Variants in ZBTB8A observed in about 807,000 individuals in gnomAD.
The protein encoded by ZBTB8A is zinc finger and BTB domain-containing protein 8A.
In ZBTB8A, 19 loss-of-function variants were observed where a neutral mutation model predicts 37.8. The observed-to-expected ratio is 0.50, with a 90% CI of 0.35 to 0.74. The LOEUF is 0.74. Ranked by LOEUF, ZBTB8A falls within the 30% of genes least tolerant of loss-of-function variation. The pLI, the probability that ZBTB8A is intolerant of heterozygous loss-of-function variation, is 0.01. For synonymous variants in ZBTB8A, 181 were observed against 185.2 expected (o/e 0.98, Z 0.19); for missense variants, 394 against 537.8 (o/e 0.73, Z 2.65).
chr1:32,598,166 A>G (rs1464099381), intron 4 of ZBTB8A, among the ~76,000 whole-genome samples: 1 of 150,084 alleles, frequency 6.7e-6, no homozygotes, highest in Non-Finnish European at 1.5e-5. Context: ...TAACTGTACT[A>G]GTGGTAATTC....
At chr1:32,541,019 C>T (rs925709619) in intron 1 of ZBTB8A, among the ~76,000 whole-genome samples, 2 of 152,232 alleles carry the variant, frequency 1.3e-5, no homozygotes, top group Admixed American at 6.5e-5. Context: ...TTGGGGCCAT[C>T]AAAAACTTTG....
rs558715470 is a variant in ZBTB8A at position 32,542,622 on chromosome 1, C to T, written c.-84+3050C>T. On this transcript the variant is annotated intron_variant, in intron 1 of 4. Transcript: ENST00000373510. The stretch of plus-strand genomic sequence containing the variant: ...AACGACAACCTTAGTTCAAGTTACA[C>T]TCGCTACTTAAATCTTCAGTCTACT... 1.4e-3 allele frequency among the ~76,000 whole-genome samples: 208 copies of T among 152,284 alleles called. 1 individual carries two copies. Among genetic ancestry groups the T allele is most frequent in the African/African-American group, 4.7e-3 (194 of 41,568 alleles).
At position 32,600,497 on chromosome 1, in the gene ZBTB8A, G is replaced by A. The variant is rs1644567892; in HGVS notation, c.*78G>A. 1.8e-6 allele frequency: 2 copies of A among 1,130,834 alleles called. No individual in the cohort carries two copies. The highest frequency in any genetic ancestry group is 2.3e-5 in the Admixed American group (1 of 44,352). The allele number at this position is 1,130,834 out of a possible 1,614,324, so 70.1% of individuals were successfully genotyped here. A position where few individuals can be genotyped will look rare whatever the true frequency, so the allele number is the denominator to read the frequency against. ...GTATCTCTCTCTTTCTATGGTCGGA[G>A]TCTAGTTAACAAATTTATCACACTG... On this transcript the variant is annotated 3_prime_UTR_variant, in exon 5 of 5. Coordinates refer to ENST00000373510, the MANE Select transcript of ZBTB8A (RefSeq NM_001040441.3).
At position 32,575,638 on chromosome 1, in the gene ZBTB8A, C is replaced by T. The variant is rs951509055; in HGVS notation, c.-1-17293C>T. ...CCATGGTGGGAGGATCGCTTAGGGC[C>T]GGGAGTTCAAGACCAGCCTGAGCAA... On this transcript the variant is annotated intron_variant, in intron 2 of 4. Coordinates refer to ENST00000373510, the MANE Select transcript of ZBTB8A (RefSeq NM_001040441.3). Among the ~76,000 whole-genome samples the T allele has an allele frequency of 4.0e-5, 6 of 151,284 alleles. No individual in the cohort carries two copies. In the East Asian group the frequency reaches 5.8e-4, roughly 15 times the overall value.
chr1:32,545,810 A>G (rs555185978), intron 1 of ZBTB8A, among the ~76,000 whole-genome samples: 3 of 152,150 alleles, frequency 2.0e-5, no homozygotes, highest in South Asian at 2.1e-4. Context: ...TTCATCCTTC[A>G]AGACCCAACC....
At chr1:32,568,035 G>A (rs1293737441) in intron 2 of ZBTB8A, among the ~76,000 whole-genome samples, 1 of 151,718 alleles carries the variant, frequency 6.6e-6, no homozygotes, top group African/African-American at 2.4e-5. Context: ...CCAGCTATTA[G>A]GGAGGCTGAG....
rs550916833 is a variant in ZBTB8A, at chr1:32,541,822, A to G, written c.-84+2250A>G. Among the ~76,000 whole-genome samples the G allele has an allele frequency of 1.5e-4, 23 of 152,284 alleles. No individual in the cohort carries two copies. In the South Asian group the frequency reaches 2.5e-3, roughly 16 times the overall value. On this transcript the variant is annotated intron_variant, in intron 1 of 4. Transcript: ENST00000373510. ...ATGAGGGCAGAGTCTTCGTGGCCCA[A>G]TCACCTCCTAAAGATGATACCGTTG...
chr1:32,567,830 C>CAAAAA lies in ZBTB8A; in HGVS notation c.-2+14294_-2+14295insAAAAA, dbSNP rs1553178101. Among the ~76,000 whole-genome samples the CAAAAA allele has an allele frequency of 1.3e-3, 78 of 61,058 alleles. 3 individuals are homozygous for CAAAAA. The highest frequency in any genetic ancestry group is 2.9e-3 in the South Asian group (5 of 1,726). 40.1% of individuals were successfully genotyped at this position (61,058 alleles called of 152,430 possible). On this transcript the variant is annotated intron_variant, in intron 2 of 4. Transcript: ENST00000373510. ...AAAAAAAAAAAAAAAAAAACAAAAA[C>CAAAAA]AAAACAAAACAAAAAAAAGATATAA...
At position 32,546,332 on chromosome 1, in the gene ZBTB8A, T is replaced by C. The variant is rs562933103; in HGVS notation, c.-84+6760T>C. 3.3e-5 allele frequency among the ~76,000 whole-genome samples: 5 copies of C among 152,066 alleles called. No homozygotes were observed. In the East Asian group the frequency reaches 9.7e-4, roughly 29 times the overall value. On this transcript the variant is annotated intron_variant, in intron 1 of 4. Transcript: ENST00000373510. The stretch of plus-strand genomic sequence containing the variant: ...GGTGGTGCGTGCCTGTAATCCCAGC[T>C]ACTCAGGAGGCTGAGGCATGAGAAT...
intron 2 of ZBTB8A, among the ~76,000 whole-genome samples, chr1:32,587,866 G>A (rs975521731): frequency 6.6e-6 from 1 of 152,028 alleles, no homozygotes; most frequent in Non-Finnish European, 1.5e-5. Flanking sequence ...CCAGCCTCTG[G>A]GGAGGAGAGA....
chr1:32,599,671 T>C (rs7539872), intron 4 of ZBTB8A, among the ~76,000 whole-genome samples: 19,015 of 151,968 alleles, frequency 0.13, 1,287 homozygotes, highest in African/African-American at 0.2. Context: ...GAGCCGAGAT[T>C]GCACTATTGC....
chr1:32,567,708 C>T (rs938833694), intron 2 of ZBTB8A, among the ~76,000 whole-genome samples: 8 of 131,178 alleles, frequency 6.1e-5, no homozygotes, highest in Admixed American at 2.6e-4. Flanking sequence ...AGGAGAATGG[C>T]GTGAACCCGG....
Position 32,569,454 on chromosome 1 carries a change from T to C in ZBTB8A, c.-2+15914T>C, listed in dbSNP as rs996243320. On this transcript the variant is annotated intron_variant, in intron 2 of 4. Coordinates refer to ENST00000373510, the MANE Select transcript of ZBTB8A (RefSeq NM_001040441.3). ...TGTTGCCCAGGCTGGAGTGCAGTGA[T>C]GCGATCTCAGCTCACTGCCAGCTCT... is the stretch of plus-strand genomic sequence containing the variant. 2.0e-5 allele frequency among the ~76,000 whole-genome samples: 3 copies of C among 147,094 alleles called. No individual in the cohort carries two copies. The Admixed American group carries it at 2.1e-4, about 10-fold the overall frequency.
intron 2 of ZBTB8A, among the ~76,000 whole-genome samples, chr1:32,561,931 T>C (rs1570328683): frequency 6.6e-6 from 1 of 151,606 alleles, no homozygotes; most frequent in African/African-American, 2.4e-5. Flanking sequence ...TGGAAGGAGG[T>C]GGTACATACT....
intron 2 of ZBTB8A, among the ~76,000 whole-genome samples, chr1:32,576,809 C>T (rs1027532123): frequency 3.3e-5 from 5 of 152,058 alleles, no homozygotes; most frequent in African/African-American, 1.2e-4. Context: ...AAGTGATCTG[C>T]CCACCTTGGC....
intron 2 of ZBTB8A, among the ~76,000 whole-genome samples, chr1:32,554,727 C>T (rs1644186897): frequency 6.6e-6 from 1 of 152,068 alleles, no homozygotes; most frequent in Admixed American, 6.6e-5. Flanking sequence ...GATCCACCCA[C>T]CTTGGCCTCC....
chr1:32,588,412 G>GA (rs1644464322), intron 2 of ZBTB8A, among the ~76,000 whole-genome samples: 1 of 151,958 alleles, frequency 6.6e-6, no homozygotes, highest in Non-Finnish European at 1.5e-5. Context: ...GCCTGGATGG[G>GA]ATCTAAATAC....
At chr1:32,569,085 A>T (rs1269623367) in intron 2 of ZBTB8A, among the ~76,000 whole-genome samples, 1 of 152,148 alleles carries the variant, frequency 6.6e-6, no homozygotes, top group African/African-American at 2.4e-5. Context: ...CCAGCAATAC[A>T]TGAGAGAACC....
intron 2 of ZBTB8A, among the ~76,000 whole-genome samples, chr1:32,579,090 C>T (rs897442986): frequency 6.6e-6 from 1 of 152,030 alleles, no homozygotes; most frequent in Non-Finnish European, 1.5e-5. Context: ...ATTACTCTTC[C>T]AGGGTCTCTA....
Sources: gnomAD v4.1 joint callset for allele counts (sites outside exome capture counted in the v4.1 genomes callset) on GRCh38, gnomAD v4.1.1 for gene constraint, MANE v1.5 for transcripts, NCBI Gene and HGNC (gene_info 2026-07-23, HGNC 2026-07-21) for gene names.